Variants in PXDNL observed in about 807,000 individuals in gnomAD.
PXDNL encodes the protein probable oxidoreductase PXDNL.
In PXDNL, 145 loss-of-function variants were observed where a neutral mutation model predicts 150.8. That is an observed-to-expected ratio of 0.96 (90% CI 0.84 to 1.10). PXDNL has a LOEUF of 1.10. PXDNL is among the 50% of genes least tolerant of loss of function. PXDNL has a pLI of 0.00. For missense variants in PXDNL, 2,087 were observed against 1,873.9 expected (o/e 1.11, Z -2.10); for synonymous variants, 757 against 725.7 (o/e 1.04, Z -0.69).
intron 1 of PXDNL, among the ~76,000 whole-genome samples, chr8:51,664,232 A>G (rs921374693): frequency 6.6e-5 from 10 of 152,288 alleles, no homozygotes; most frequent in African/African-American, 2.2e-4. Flanking sequence ...ACCATGTTAT[A>G]TAAAGTAATG....
At chr8:51,540,129 C>T (rs1377026281) in intron 4 of PXDNL, among the ~76,000 whole-genome samples, 2 of 152,066 alleles carry the variant, frequency 1.3e-5, no homozygotes, top group African/African-American at 4.8e-5. Context: ...AACTCCTGGC[C>T]TCAAGTGATC....
At chr8:51,363,515 G>A (rs1164206479) in intron 19 of PXDNL, among the ~76,000 whole-genome samples, 1 of 152,052 alleles carries the variant, frequency 6.6e-6, no homozygotes, top group South Asian at 2.1e-4. Context: ...GTACATGACT[G>A]GGGGCTGCAT....
chr8:51,414,635 GA>G (rs1403599057), intron 14 of PXDNL, among the ~76,000 whole-genome samples: 2 of 151,720 alleles, frequency 1.3e-5, no homozygotes, highest in Middle Eastern at 3.4e-3. Context: ...ATAATTGAAA[GA>G]AAAAAAGACA....
intron 17 of PXDNL, among the ~76,000 whole-genome samples, chr8:51,391,730 C>G (rs1480569325): frequency 1.3e-5 from 2 of 152,076 alleles, no homozygotes; most frequent in Non-Finnish European, 2.9e-5. Flanking sequence ...TGTGCAGAAG[C>G]TCTTTAGTTT....
chr8:51,505,589 T>A lies in PXDNL; in HGVS notation c.381-5819A>T, dbSNP rs75927519. Among the ~76,000 whole-genome samples, 234 of 152,346 alleles carry A rather than the reference T, an allele frequency of 1.5e-3. 3 individuals carry two copies. Among genetic ancestry groups the A allele is most frequent in the East Asian group, 0.014 (73 of 5,192 alleles). Reference sequence around the variant, plus strand: ...GAGATTGTAAAGAAAAAAGGAGTACTGTTGGCAGAAGGAGGCTGCACACCA... The same window carrying A: ...GAGATTGTAAAGAAAAAAGGAGTACAGTTGGCAGAAGGAGGCTGCACACCA... On this transcript the variant is annotated intron_variant, in intron 4 of 22. Transcript: ENST00000356297.
At chr8:51,457,692 T>A (rs1190797232) in intron 8 of PXDNL, 25 bp from the exon 9 acceptor site, 3 of 1,577,488 alleles carry the variant, frequency 1.9e-6, no homozygotes, top group Non-Finnish European at 2.6e-6. Context: ...TATACATGTA[T>A]ATTATTTAAT....
chr8:51,577,995 GAAAGAGGA>G (rs1563471160), intron 3 of PXDNL, among the ~76,000 whole-genome samples: 322 of 47,542 alleles, frequency 6.8e-3, no homozygotes, highest in Non-Finnish European at 8.8e-3. Flanking sequence ...AAGAAAGAAA[GAAAGAGGA>G]AGGAAGGAAG....
chr8:51,678,961 T>C (rs1446795587), intron 1 of PXDNL, among the ~76,000 whole-genome samples: 1 of 152,224 alleles, frequency 6.6e-6, no homozygotes, highest in Non-Finnish European at 1.5e-5. Context: ...ACCACATGCC[T>C]GACGTTGTTC....
At chr8:51,746,038 C>T (rs1456548024) in intron 1 of PXDNL, among the ~76,000 whole-genome samples, 2 of 152,122 alleles carry the variant, frequency 1.3e-5, no homozygotes, top group African/African-American at 4.8e-5. Context: ...GGATTACAGG[C>T]GTGAGCCACC....
At chr8:51,579,269 C>A (rs1343815972) in intron 3 of PXDNL, among the ~76,000 whole-genome samples, 1 of 151,968 alleles carries the variant, frequency 6.6e-6, no homozygotes, top group Non-Finnish European at 1.5e-5. Flanking sequence ...CAAAACCCCA[C>A]AATCTCATTA....
intron 1 of PXDNL, among the ~76,000 whole-genome samples, chr8:51,748,316 C>A (rs142696949): frequency 1.3e-5 from 2 of 152,264 alleles, no homozygotes; most frequent in East Asian, 3.9e-4. Flanking sequence ...AGTTCGATTT[C>A]TTTCTTTTAG....
At chr8:51,729,872 C>G (rs573645268) in intron 1 of PXDNL, among the ~76,000 whole-genome samples, 10 of 152,220 alleles carry the variant, frequency 6.6e-5, no homozygotes, top group African/African-American at 1.9e-4. Context: ...GTGAAAGAAG[C>G]CAATCTGAAA....
Position 51,809,291 on chromosome 8 carries a change from G to A in PXDNL, c.54C>T (p.Cys18=). The A allele has an allele frequency of 6.3e-7, 1 of 1,586,758 alleles. No homozygotes were observed. The highest frequency in any genetic ancestry group is 8.6e-7 in the Non-Finnish European group (1 of 1,166,402). Residue 18 remains cysteine (C), a synonymous_variant, in exon 1 of 23, where the codon TGC becomes TGT. Coordinates refer to ENST00000356297, the MANE Select transcript of PXDNL (RefSeq NM_144651.5). ...WTTLFLLAGW[C]LPGLPCPSRC... is the part of the protein sequence containing the mutation. ...GGCTGGGGCAGGGCAACCCTGGCAG[G>A]CACCACCCGGCCAGGAGAAAGAGAG...
intron 1 of PXDNL, among the ~76,000 whole-genome samples, chr8:51,797,624 G>C (rs1013421703): frequency 2.6e-5 from 4 of 152,138 alleles, no homozygotes; most frequent in African/African-American, 9.7e-5. Flanking sequence ...CAAGGTACGT[G>C]AATGACCTCT....
intron 1 of PXDNL, among the ~76,000 whole-genome samples, chr8:51,767,026 C>T (rs193059610): frequency 1.3e-5 from 2 of 151,996 alleles, no homozygotes; most frequent in East Asian, 3.9e-4. Context: ...ATAATTTATA[C>T]CTCTATTGAT....
Position 51,408,876 on chromosome 8 carries a change from A to C in PXDNL, c.2748T>G (p.Pro916=), listed in dbSNP as rs1490609234. The change falls in exon 17 of 23, where the codon CCT becomes CCG. Residue 916 remains proline (P), a synonymous_variant. Transcript: ENST00000356297. ...ESQALRDPSV[P]RGLLKTGFPW... ...GAAAGCCTGTCTTCAGGAGACCCCG[A>C]GGCACCGAAGGGTCTCTGAGAGCCT... The C allele has an allele frequency of 2.5e-6, 4 of 1,596,604 alleles. No homozygotes were observed. In the Admixed American group the frequency reaches 5.2e-5, roughly 21 times the overall value.
At chr8:51,574,662 C>T (rs74353648) in intron 3 of PXDNL, among the ~76,000 whole-genome samples, 2,712 of 151,918 alleles carry the variant, frequency 0.018, 83 homozygotes, top group African/African-American at 0.061. Context: ...AAGAAAATCT[C>T]GAAAGCAGTG....
intron 4 of PXDNL, among the ~76,000 whole-genome samples, chr8:51,556,260 C>G (rs112903469): frequency 0.025 from 3,707 of 146,162 alleles, 78 homozygotes; most frequent in African/African-American, 0.06. Flanking sequence ...AGAGACTCTG[C>G]CTCAAAAATA....
rs1174446399 is a variant in PXDNL at position 51,409,227 on chromosome 8, G to A, written c.2397C>T (p.Tyr799=). Residue 799 remains tyrosine (Y), a synonymous_variant, in exon 17 of 23, where the codon TAC becomes TAT. Coordinates refer to ENST00000356297, the MANE Select transcript of PXDNL (RefSeq NM_144651.5). ...AGCCCCAGTGCATGAGCATGCGCGT[G>A]TAGCTGTGGTCGGGGGTGACGGCCG... ...RAAAVTPDHS[Y]TRMLMHWGWF... The A allele has an allele frequency of 6.4e-7, 1 of 1,552,362 alleles. No homozygotes were observed. The highest frequency in any genetic ancestry group is 1.4e-5 in the African/African-American group (1 of 73,392).
Sources: gnomAD v4.1 joint callset for allele counts (sites outside exome capture counted in the v4.1 genomes callset) on GRCh38, gnomAD v4.1.1 for gene constraint, MANE v1.5 for transcripts, NCBI Gene and HGNC (gene_info 2026-07-23, HGNC 2026-07-21) for gene names.